The following WDFY4 variants were observed in gnomAD, a reference collection of about 807,000 sequenced individuals.
WDFY4 encodes the protein WDFY family member 4.
In WDFY4, 169 loss-of-function variants were observed where a neutral mutation model predicts 351.9. The ratio of observed to expected loss-of-function variants is 0.48; its 90% CI spans 0.42 to 0.55. The LOEUF is 0.55. Ranked by LOEUF, WDFY4 falls within the 20% of genes least tolerant of loss-of-function variation. The pLI is 0.00. For missense variants in WDFY4, 3,803 were observed against 3,935.6 expected, an observed-to-expected ratio of 0.97 and a Z score of 0.90; for synonymous variants, 1,622 against 1,574.6, an observed-to-expected ratio of 1.03 and a Z score of -0.71.
rs2068232928 is a variant in WDFY4, at chr10:48,832,715, C to T, written c.6663+6C>T. On this transcript the variant is annotated splice_donor_region_variant and intron_variant, in intron 39 of 61. Coordinates refer to ENST00000325239, the MANE Select transcript of WDFY4 (RefSeq NM_001394531.1). ...ACCCTGAGTGCAAGACAGAGGTGAG[C>T]CCAGACCCCTTTTCCTCAGAAAAGT... The T allele has an allele frequency of 2.6e-6, 4 of 1,519,766 alleles. No homozygotes were observed. The African/African-American group carries it at 4.2e-5, about 16-fold the overall frequency. The allele number at this position is 1,519,766 out of a possible 1,614,324, so 94.1% of individuals were successfully genotyped here. A position where few individuals can be genotyped will look rare whatever the true frequency, so the allele number is the denominator to read the frequency against.
intron 13 of WDFY4, among the ~76,000 whole-genome samples, chr10:48,772,517 C>CTTTTTTTTTTTTTTTTTTTGTCTTTTTT (rs10672319): frequency 1.4e-5 from 1 of 70,650 alleles, no homozygotes; most frequent in Non-Finnish European, 2.7e-5. Flanking sequence ...GAGGGCAGTT[C>CTTTTTTTTTTTTTTTTTTTGTCTTTTTT]TTTTTTTTTT....
intron 39 of WDFY4, among the ~76,000 whole-genome samples, chr10:48,864,815 T>C (rs900339549): frequency 3.3e-5 from 5 of 152,246 alleles, no homozygotes; most frequent in Admixed American, 2.0e-4. Context: ...CATTTCATTA[T>C]TTTGATAATG....
intron 1 of WDFY4, among the ~76,000 whole-genome samples, chr10:48,700,272 C>T (rs1242457809): frequency 3.3e-5 from 5 of 152,220 alleles, no homozygotes; most frequent in Non-Finnish European, 7.3e-5. Flanking sequence ...CCCTCACCTA[C>T]ACTTCCCTCC....
At chr10:48,735,071 G>A (rs1170577968) in intron 10 of WDFY4, among the ~76,000 whole-genome samples, 3 of 151,592 alleles carry the variant, frequency 2.0e-5, no homozygotes, top group South Asian at 4.2e-4. Flanking sequence ...GATTACAGGC[G>A]TGAGCCACCA....
At chr10:48,915,422 T>TA (rs1237383334) in intron 47 of WDFY4, among the ~76,000 whole-genome samples, 1 of 151,370 alleles carries the variant, frequency 6.6e-6, no homozygotes, top group Non-Finnish European at 1.5e-5. Context: ...TGCTGATTTT[T>TA]TTTTTTGGAC....
chr10:48,787,933 CTTCTT>C, intron 20 of WDFY4, among the ~76,000 whole-genome samples: 1 of 93,986 alleles, frequency 1.1e-5, no homozygotes, highest in South Asian at 4.0e-4. Context: ...TCTTCTTCTT[CTTCTT>C]CTTCTTCTTC....
chr10:48,944,345 C>T (rs1377969516), intron 49 of WDFY4, among the ~76,000 whole-genome samples: 1 of 152,198 alleles, frequency 6.6e-6, no homozygotes, highest in African/African-American at 2.4e-5. Flanking sequence ...CTCTTTTAGC[C>T]TGCACCCCTG....
chr10:48,980,621 T>G (rs758503675), intron 60 of WDFY4, among the ~76,000 whole-genome samples: 1 of 152,214 alleles, frequency 6.6e-6, no homozygotes, highest in Non-Finnish European at 1.5e-5. Flanking sequence ...TTGTACACAA[T>G]GTACAAATGC....
At chr10:48,894,023 G>T (rs1019316174) in intron 44 of WDFY4, among the ~76,000 whole-genome samples, 6 of 152,156 alleles carry the variant, frequency 3.9e-5, no homozygotes, top group Admixed American at 2.0e-4. Flanking sequence ...AACATGTAGG[G>T]TGTAGTATTG....
intron 39 of WDFY4, among the ~76,000 whole-genome samples, chr10:48,865,862 G>A (rs2069523531): frequency 6.6e-6 from 1 of 151,906 alleles, no homozygotes; most frequent in Non-Finnish European, 1.5e-5. Flanking sequence ...TAATTTATTG[G>A]CATACAATTG....
chr10:48,875,364 T>G (rs1431057054), intron 42 of WDFY4, among the ~76,000 whole-genome samples: 1 of 152,176 alleles, frequency 6.6e-6, no homozygotes, highest in Admixed American at 6.5e-5. Flanking sequence ...AATAACAATT[T>G]TTGGGGAGAA....
chr10:48,709,505 T>TG (rs2063713865), intron 1 of WDFY4, among the ~76,000 whole-genome samples: 1 of 152,226 alleles, frequency 6.6e-6, no homozygotes, highest in African/African-American at 2.4e-5. Flanking sequence ...CCCACAGTGC[T>TG]GGGCACACAC....
intron 47 of WDFY4, among the ~76,000 whole-genome samples, chr10:48,934,459 A>G (rs1328192413): frequency 2.6e-5 from 4 of 152,204 alleles, no homozygotes; most frequent in Non-Finnish European, 5.9e-5. Context: ...TGGAGTCACA[A>G]AGACTCTAAG....
chr10:48,715,620 TA>T (rs761857606), intron 2 of WDFY4, among the ~76,000 whole-genome samples: 1 of 152,032 alleles, frequency 6.6e-6, no homozygotes, highest in Non-Finnish European at 1.5e-5. Context: ...GACCAAGAAT[TA>T]TTTTTTTATT....
intron 47 of WDFY4, 85 bp downstream of exon 47, chr10:48,901,948 T>C (rs1388257089): frequency 7.8e-7 from 1 of 1,274,348 alleles, no homozygotes; most frequent in African/African-American, 1.5e-5. Context: ...TCTAAAGAAG[T>C]CTTGCAGAGA....
rs148059414 is a variant in WDFY4, at chr10:48,926,396, G to T, written c.7587-15410G>T. ...TTTGGCATGGATTGGCCTGGGAACT[G>T]CAATGTCACCCCCTAGAGAGTCTGC... is the stretch of plus-strand genomic sequence containing the variant. On this transcript the variant is annotated intron_variant, in intron 47 of 61. Transcript: ENST00000325239. Among the ~76,000 whole-genome samples, 216 of 152,338 alleles carry T rather than the reference G, an allele frequency of 1.4e-3. 1 individual carries two copies. Among genetic ancestry groups the T allele is most frequent in the South Asian group, 1.9e-3 (9 of 4,828 alleles).
intron 58 of WDFY4, 99 bp downstream of exon 58, chr10:48,975,140 C>T (rs957398156): frequency 1.1e-5 from 16 of 1,492,212 alleles, no homozygotes; most frequent in Non-Finnish European, 1.5e-5. Context: ...CTCTAGCCAC[C>T]CCAGAATGCT....
chr10:48,863,624 AT>A lies in WDFY4; in HGVS notation c.6664-3632del, dbSNP rs973735332. 6.0e-5 allele frequency among the ~76,000 whole-genome samples: 9 copies of A among 151,050 alleles called. No homozygotes were observed. In the East Asian group the frequency reaches 7.8e-4, roughly 13 times the overall value. On this transcript the variant is annotated intron_variant, in intron 39 of 61. Coordinates refer to ENST00000325239, the MANE Select transcript of WDFY4 (RefSeq NM_001394531.1). Reference sequence around the variant, plus strand: ...TCCCTTATCAGACATGTAATTTATAATTTTTTTTTCATTCTGTGGGTCTTTT... The same window carrying A: ...TCCCTTATCAGACATGTAATTTATAATTTTTTTTCATTCTGTGGGTCTTTT...
intron 1 of WDFY4, among the ~76,000 whole-genome samples, chr10:48,691,698 T>C (rs950492292): frequency 2.0e-5 from 3 of 152,208 alleles, no homozygotes; most frequent in African/African-American, 4.8e-5. Flanking sequence ...AATAAGAAAA[T>C]TTCTCAGTAG....
Sources: gnomAD v4.1 joint callset for allele counts (sites outside exome capture counted in the v4.1 genomes callset) on GRCh38, gnomAD v4.1.1 for gene constraint, MANE v1.5 for transcripts, NCBI Gene and HGNC (gene_info 2026-07-23, HGNC 2026-07-21) for gene names.